Variants in SLC2A9 observed in about 807,000 individuals in gnomAD.
The protein encoded by SLC2A9 is solute carrier family 2 member 9.
In SLC2A9, 39 loss-of-function variants were observed where a neutral mutation model predicts 50.6. The observed-to-expected ratio is 0.77, with a 90% CI of 0.60 to 1.01. The LOEUF is 1.01. Ranked by LOEUF, SLC2A9 falls within the 50% of genes least tolerant of loss-of-function variation. The pLI is 0.00. For missense variants in SLC2A9, 686 were observed against 677.6 expected (o/e 1.01, Z -0.14); for synonymous variants, 324 against 276.9 (o/e 1.17, Z -1.69).
chr4:9,970,808 G>A (rs1407811266), intron 5 of SLC2A9, among the ~76,000 whole-genome samples: 5 of 152,192 alleles, frequency 3.3e-5, no homozygotes, highest in African/African-American at 1.2e-4. Flanking sequence ...CCAGGCGCCA[G>A]ACCCAAAACC....
At chr4:9,937,658 A>G (rs988121062) in intron 6 of SLC2A9, among the ~76,000 whole-genome samples, 9 of 152,216 alleles carry the variant, frequency 5.9e-5, no homozygotes, top group South Asian at 4.1e-4. Flanking sequence ...AAGGGCAAGC[A>G]TGGAACGTTA....
At chr4:9,954,468 A>G (rs906267010) in intron 5 of SLC2A9, among the ~76,000 whole-genome samples, 7 of 152,202 alleles carry the variant, frequency 4.6e-5, no homozygotes, top group African/African-American at 1.4e-4. Flanking sequence ...CCCTAACTTC[A>G]CGACGGAGTT....
At position 9,950,766 on chromosome 4, in the gene SLC2A9, G is replaced by A. The variant is rs1158607625; in HGVS notation, c.682-8721C>T. On this transcript the variant is annotated intron_variant, in intron 5 of 11. Transcript: ENST00000264784. ...AAATTAGCCGGGCGTGGTAGCGGGC[G>A]CCTGTAGTCTCAGCTACTCGGGAGG... Among the ~76,000 whole-genome samples the A allele has an allele frequency of 1.4e-4, 5 of 34,682 alleles. No homozygotes were observed. The South Asian group carries it at 2.1e-3, about 15-fold the overall frequency. The allele number at this position is 34,682 out of a possible 152,430, so 22.8% of individuals were successfully genotyped here.
At chr4:9,916,427 C>A (rs1267538441) in intron 7 of SLC2A9, among the ~76,000 whole-genome samples, 1 of 152,188 alleles carries the variant, frequency 6.6e-6, no homozygotes, top group East Asian at 1.9e-4. Flanking sequence ...TCTTGTTTCC[C>A]AACCAAGACT....
chr4:9,995,715 C>A (rs935543775), intron 3 of SLC2A9: 1 of 152,220 alleles, frequency 6.6e-6, no homozygotes, highest in Non-Finnish European at 1.5e-5. Context: ...CAACTCATGG[C>A]CATTCTCCTT....
chr4:9,977,540 T>C (rs1365653509), intron 5 of SLC2A9, among the ~76,000 whole-genome samples: 57 of 133,698 alleles, frequency 4.3e-4, no homozygotes, highest in African/African-American at 1.3e-3. Flanking sequence ...TCCCTCTCCC[T>C]CTCCCCCTCC....
chr4:9,931,962 C>CTCTCTCTCTCTCTCTCTCTCTATA, intron 6 of SLC2A9, among the ~76,000 whole-genome samples: 1 of 14,576 alleles, frequency 6.9e-5, no homozygotes, highest in Non-Finnish European at 1.1e-4. Flanking sequence ...CTCTCTCTCT[C>CTCTCTCTCTCTCTCTCTCTCTATA]TATATATATA....
rs148279060 is a variant in SLC2A9 at position 9,903,014 on chromosome 4, G to A, written c.1113+5221C>T. Among the ~76,000 whole-genome samples the A allele has an allele frequency of 8.9e-3, 1,348 of 152,258 alleles. 13 individuals are homozygous for A. The highest frequency in any genetic ancestry group is 0.014 in the South Asian group (66 of 4,826). ...CTGTTATTATTGCCACTTTCACTAA[G>A]AGAAAAATGGGTATCAGAGAGGTTA... On this transcript the variant is annotated intron_variant, in intron 8 of 11. Coordinates refer to ENST00000264784, the MANE Select transcript of SLC2A9 (RefSeq NM_020041.3).
At chr4:9,851,085 G>A (rs11930098) in intron 10 of SLC2A9, among the ~76,000 whole-genome samples, 24,183 of 152,092 alleles carry the variant, frequency 0.16, 2,632 homozygotes, top group African/African-American at 0.3. Context: ...GGCAATGCAC[G>A]TGCACCCCAC....
At chr4:10,020,182 G>C (rs1014790451) in intron 1 of SLC2A9, among the ~76,000 whole-genome samples, 1 of 152,066 alleles carries the variant, frequency 6.6e-6, no homozygotes, top group Non-Finnish European at 1.5e-5. Context: ...AAGGGAATGC[G>C]GGTCTCTTGA....
intron 10 of SLC2A9, among the ~76,000 whole-genome samples, chr4:9,865,396 C>T (rs1042347859): frequency 4.6e-5 from 7 of 152,246 alleles, no homozygotes; most frequent in African/African-American, 1.4e-4. Flanking sequence ...TAAACTATCA[C>T]GTGCTCATCC....
At chr4:9,923,915 G>C (rs555115130) in intron 6 of SLC2A9, 1 of 152,318 alleles carries the variant, frequency 6.6e-6, no homozygotes, top group Admixed American at 6.5e-5. Flanking sequence ...CGTTCTTTCA[G>C]CCTTATCTCA....
chr4:10,029,548 A>AATATTTTATTT (rs1560510174), intron 1 of SLC2A9, among the ~76,000 whole-genome samples: 24 of 125,266 alleles, frequency 1.9e-4, no homozygotes, highest in African/African-American at 4.0e-4. Flanking sequence ...AATTTTTTAA[A>AATATTTTATTT]TATTTTATTT....
intron 2 of SLC2A9, among the ~76,000 whole-genome samples, chr4:10,001,549 C>T (rs187125862): frequency 6.6e-6 from 1 of 152,332 alleles, no homozygotes; most frequent in East Asian, 1.9e-4. Flanking sequence ...GTTACAGCAG[C>T]TCTAGAAAAG....
intron 3 of SLC2A9, 129 bp downstream of exon 3, chr4:9,996,652 T>G (rs1758723732): frequency 8.6e-7 from 1 of 1,160,704 alleles, no homozygotes; most frequent in African/African-American, 1.5e-5. Context: ...CCCTTTCCCC[T>G]TTGGGCATTT....
chr4:9,885,157 C>T (rs1287183205), intron 10 of SLC2A9, among the ~76,000 whole-genome samples: 1 of 152,150 alleles, frequency 6.6e-6, no homozygotes, highest in Non-Finnish European at 1.5e-5. Context: ...GAGTCCTGCA[C>T]ATGTATCCCG....
At chr4:9,931,917 T>C (rs893680842) in intron 6 of SLC2A9, among the ~76,000 whole-genome samples, 1 of 14,250 alleles carries the variant, frequency 7.0e-5, no homozygotes, top group Non-Finnish European at 1.1e-4. Flanking sequence ...AGAATGACTC[T>C]CTCTCTCTCT....
At chr4:9,999,563 G>C (rs1444453566) in intron 2 of SLC2A9, among the ~76,000 whole-genome samples, 3 of 152,160 alleles carry the variant, frequency 2.0e-5, no homozygotes, top group Non-Finnish European at 4.4e-5. Flanking sequence ...GGGTGGCCAT[G>C]GAATTGCAAG....
At chr4:9,890,830 C>G (rs1737268575) in intron 8 of SLC2A9, 119 bp from the exon 9 acceptor site, 2 of 827,214 alleles carry the variant, frequency 2.4e-6, no homozygotes, top group East Asian at 2.7e-5. Flanking sequence ...GACCCTGAGA[C>G]AGTTGGGCCA....
Sources: gnomAD v4.1 joint callset for allele counts (sites outside exome capture counted in the v4.1 genomes callset) on GRCh38, gnomAD v4.1.1 for gene constraint, MANE v1.5 for transcripts, NCBI Gene and HGNC (gene_info 2026-07-23, HGNC 2026-07-21) for gene names.